BCAR3: variants seen among roughly 807,000 people sequenced by gnomAD.
BCAR3 encodes BCAR3 adaptor protein, NSP family member.
In BCAR3, 37 loss-of-function variants were observed where a neutral mutation model predicts 80.1. The ratio of observed to expected loss-of-function variants is 0.46; its 90% CI spans 0.36 to 0.61. BCAR3 has a LOEUF of 0.61. BCAR3 is among the 20% of genes least tolerant of loss of function. The pLI, the probability that BCAR3 is intolerant of heterozygous loss-of-function variation, is 0.00. For missense variants in BCAR3, 978 were observed against 1,068.2 expected (o/e 0.92, Z 1.18); for synonymous variants, 389 against 418.9 (o/e 0.93, Z 0.87).
chr1:93,571,055 T>G (rs898632340), intron 9 of BCAR3, among the ~76,000 whole-genome samples: 1 of 151,850 alleles, frequency 6.6e-6, no homozygotes, highest in Non-Finnish European at 1.5e-5. Flanking sequence ...AATACAAAAA[T>G]TAGCCAGGTG....
In BCAR3 at chr1:93,733,196, C is replaced by T. The variant is rs138218318; in HGVS notation, c.-62-27054G>A. On this transcript the variant is annotated intron_variant, in intron 2 of 13. Transcript: ENST00000370244. ...AACTCCAAATATTCTAGCCCCTCCC[C>T]ACCAGCAGCTGAAGATTTGTCTCCT... Among the ~76,000 whole-genome samples, 4 of 152,260 alleles carry T rather than the reference C, an allele frequency of 2.6e-5. No individual in the cohort carries two copies. The East Asian group carries it at 7.7e-4, about 29-fold the overall frequency.
chr1:93,785,957 G>A lies in BCAR3; in HGVS notation c.-63+59610C>T, dbSNP rs1331124505. Among the ~76,000 whole-genome samples, 2 of 115,504 alleles carry A rather than the reference G, an allele frequency of 1.7e-5. 1 individual carries two copies. The highest frequency in any genetic ancestry group is 9.3e-5 in the African/African-American group (2 of 21,458). 75.8% of individuals were successfully genotyped at this position (115,504 alleles called of 152,430 possible). A position where few individuals can be genotyped will look rare whatever the true frequency, so the allele number is the denominator to read the frequency against. On this transcript the variant is annotated intron_variant, in intron 2 of 13. Coordinates refer to the BCAR3 transcript ENST00000370244. ...GCCTGTAATCCCAGCACTTTGGGAG[G>A]CCGAGGCGGGCGGATCATGAGGTCA...
chr1:93,742,515 C>T (rs932926898), intron 2 of BCAR3, among the ~76,000 whole-genome samples: 1 of 152,204 alleles, frequency 6.6e-6, no homozygotes, highest in Non-Finnish European at 1.5e-5. Flanking sequence ...ACCCTGGAAA[C>T]GTTCTCTCCG....
At chr1:93,695,007 G>A (rs1171329489) in intron 3 of BCAR3, among the ~76,000 whole-genome samples, 1 of 152,096 alleles carries the variant, frequency 6.6e-6, no homozygotes, top group Admixed American at 6.5e-5. Context: ...CCCTGACATC[G>A]TCAGGCCAAT....
intron 5 of BCAR3, among the ~76,000 whole-genome samples, chr1:93,585,591 C>T (rs1014185768): frequency 1.3e-5 from 2 of 152,168 alleles, no homozygotes; most frequent in African/African-American, 2.4e-5. Context: ...TTCCCTGCTT[C>T]GACCATTCAG....
chr1:93,778,349 T>C (rs1652647084), intron 2 of BCAR3, among the ~76,000 whole-genome samples: 1 of 152,200 alleles, frequency 6.6e-6, no homozygotes, highest in South Asian at 2.1e-4. Flanking sequence ...AATTACAGAA[T>C]TTTTACAATT....
intron 2 of BCAR3, among the ~76,000 whole-genome samples, chr1:93,780,998 C>T (rs778953208): frequency 2.0e-5 from 3 of 152,198 alleles, no homozygotes; most frequent in Non-Finnish European, 2.9e-5. Flanking sequence ...ACAAAAGGTA[C>T]TCTGGAACCC....
intron 2 of BCAR3, among the ~76,000 whole-genome samples, chr1:93,781,877 A>C (rs1445408242): frequency 1.3e-5 from 2 of 152,200 alleles, no homozygotes; most frequent in South Asian, 2.1e-4. Context: ...CTGGAATCAT[A>C]TCTCTTCAAC....
chr1:93,708,833 A>G (rs1386187122), intron 2 of BCAR3, among the ~76,000 whole-genome samples: 3 of 152,100 alleles, frequency 2.0e-5, no homozygotes, highest in East Asian at 3.9e-4. Flanking sequence ...TTGCCCCGCC[A>G]GGGCTGTGCC....
At chr1:93,618,383 T>A (rs961916527) in intron 3 of BCAR3, among the ~76,000 whole-genome samples, 1 of 152,226 alleles carries the variant, frequency 6.6e-6, no homozygotes, top group African/African-American at 2.4e-5. Context: ...ATGGTCTCTA[T>A]CCGGAAGCAA....
chr1:93,814,879 C>T (rs894465855), intron 2 of BCAR3, among the ~76,000 whole-genome samples: 9 of 152,232 alleles, frequency 5.9e-5, no homozygotes, highest in African/African-American at 1.9e-4. Context: ...TCTTAAAAGA[C>T]GGAGTGCAAA....
At chr1:93,579,039 A>C (rs937562110) in intron 7 of BCAR3, among the ~76,000 whole-genome samples, 2 of 152,094 alleles carry the variant, frequency 1.3e-5, no homozygotes. Flanking sequence ...ATAGGCAAAG[A>C]CCTTGCGCAC....
intron 3 of BCAR3, among the ~76,000 whole-genome samples, chr1:93,624,962 G>A (rs1175222441): frequency 6.6e-6 from 1 of 152,196 alleles, no homozygotes; most frequent in Non-Finnish European, 1.5e-5. Flanking sequence ...TGTAATCCCA[G>A]CACTTTGGGA....
At chr1:93,576,190 T>C (rs1052623305) in intron 7 of BCAR3, 61 bp from the exon 8 acceptor site, 1 of 1,284,868 alleles carries the variant, frequency 7.8e-7, no homozygotes, top group Admixed American at 1.7e-5. Context: ...GATCATGAAT[T>C]CAGCATATGA....
At chr1:93,809,179 G>A (rs1275228220) in intron 2 of BCAR3, among the ~76,000 whole-genome samples, 3 of 152,188 alleles carry the variant, frequency 2.0e-5, no homozygotes, top group Non-Finnish European at 2.9e-5. Context: ...AGGAGATGGA[G>A]AAAGATCTGA....
At chr1:93,608,153 A>G (rs929473837) in intron 3 of BCAR3, among the ~76,000 whole-genome samples, 2 of 152,242 alleles carry the variant, frequency 1.3e-5, no homozygotes, top group African/African-American at 2.4e-5. Context: ...CTCCACAAGA[A>G]CTAAAAGACA....
In BCAR3 at chr1:93,566,318, T is replaced by G. The variant is rs138236417; in HGVS notation, c.2299+961A>C. 1.6e-4 allele frequency among the ~76,000 whole-genome samples: 25 copies of G among 152,134 alleles called. 1 individual carries two copies. The East Asian group carries it at 4.8e-3, about 29-fold the overall frequency. Reference sequence around the variant, plus strand: ...GTCCTTTAACAATCAATGCAGTGTTTTCTGGGAAGCTGTCACCAGGTGCTT... The same window carrying G: ...GTCCTTTAACAATCAATGCAGTGTTGTCTGGGAAGCTGTCACCAGGTGCTT... On this transcript the variant is annotated intron_variant, in intron 11 of 11. Transcript: ENST00000260502.
chr1:93,846,679 C>A (rs1170536180), intron 1 of BCAR3, among the ~76,000 whole-genome samples: 1 of 152,012 alleles, frequency 6.6e-6, no homozygotes, highest in East Asian at 2.0e-4. Flanking sequence ...CCCGCATACG[C>A]ATGCTCCCAG....
chr1:93,575,784 G>A (rs948287171), intron 8 of BCAR3, among the ~76,000 whole-genome samples: 2 of 152,188 alleles, frequency 1.3e-5, no homozygotes, highest in Non-Finnish European at 2.9e-5. Flanking sequence ...ACTCCTCCAG[G>A]AGCAGGGACG....
Sources: gnomAD v4.1 joint callset for allele counts (sites outside exome capture counted in the v4.1 genomes callset) on GRCh38, gnomAD v4.1.1 for gene constraint, MANE v1.5 for transcripts, NCBI Gene and HGNC (gene_info 2026-07-23, HGNC 2026-07-21) for gene names.